Variants in TBX22 observed in about 807,000 individuals in gnomAD.
TBX22 encodes the protein T-box transcription factor 22, also known as T-box transcription factor TBX22.
Under a neutral mutation model 30.1 loss-of-function variants are expected in TBX22, and 8 were observed. That is an observed-to-expected ratio of 0.27 (90% confidence interval 0.16 to 0.48). The LOEUF is 0.48. Among genes scored for constraint, TBX22 ranks in the 20% least tolerant of loss-of-function variants. TBX22 has a pLI of 0.99. For synonymous variants in TBX22, 173 were observed against 149.1 expected (o/e 1.16, Z -1.17); for missense variants, 463 against 400.5 (o/e 1.16, Z -1.33).
chrX:80,030,311 T>G (rs1386107111), intron 8 of TBX22, among the ~76,000 whole-genome samples, 187 bp from the exon 9 acceptor site: 2 of 112,071 alleles, frequency 1.8e-5, no homozygotes, highest in Non-Finnish European at 3.8e-5. Context: ...ATACCTAGTA[T>G]AGATACTATA....
intron 1 of TBX22, among the ~76,000 whole-genome samples, chrX:80,019,763 A>G (rs1923597997): frequency 8.9e-6 from 1 of 111,869 alleles, no homozygotes; most frequent in Non-Finnish European, 1.9e-5. Context: ...TTAGTCTAGT[A>G]CATACAAGGG....
intron 4 of TBX22, 64 bp downstream of exon 4, chrX:80,024,228 C>G (rs1242261050): frequency 9.0e-6 from 9 of 1,000,853 alleles, no homozygotes; most frequent in Non-Finnish European, 1.3e-5. Flanking sequence ...GACCTTCAGA[C>G]CTGAAACCTG....
At chrX:80,027,374 G>A in intron 7 of TBX22, 54 bp downstream of exon 7, 1 of 424,891 alleles carries the variant, frequency 2.4e-6, no homozygotes, top group Non-Finnish European at 3.9e-6. Context: ...ATTTTCACAA[G>A]TTTTTTTTTT....
rs917472096 is a variant in TBX22, at chrX:80,022,375, C to A, written c.106C>A (p.Arg36=). The A allele has an allele frequency of 3.3e-6, 4 of 1,209,773 alleles. No individual in the cohort carries two copies. Among genetic ancestry groups the A allele is most frequent in the Non-Finnish European group, 4.5e-6 (4 of 894,503 alleles). ...AATACAGGCGGAGCAGCCTGAGCTG[C>A]GGGAGAAAAAGGGCGGAGAGGAAGA... ...DPIQAEQPEL[R]EKKGGEEEEE... Residue 36 remains arginine, a synonymous_variant, in exon 2 of 9, where the codon CGG becomes AGG. Transcript: ENST00000373296.
chrX:80,021,891 T>G (rs748795133), intron 1 of TBX22, among the ~76,000 whole-genome samples: 1 of 112,092 alleles, frequency 8.9e-6, no homozygotes, highest in East Asian at 2.8e-4. Flanking sequence ...GAATCAGGGA[T>G]TTGAGGACTA....
Position 80,030,918 on chromosome X carries a change from A to G in TBX22, c.1370A>G (p.Asn457Ser), listed in dbSNP as rs762269138. Residue 457 changes from asparagine (N) to serine (S), a missense_variant, in exon 9 of 9, where the codon AAC (asparagine) becomes AGC (serine). By Grantham distance (46) the Asn-to-Ser change is conservative. Coordinates refer to ENST00000373296, the MANE Select transcript of TBX22 (RefSeq NM_001109878.2). ...TCACCTGGAAATATTTTTCTGCCAA[A>G]CTCCATCACCCCAGAAGCACTTAGT... is the stretch of plus-strand genomic sequence containing the variant. ...LQSPGNIFLP[N>S]SITPEALSCS... is the part of the protein sequence containing the mutation. The G allele has an allele frequency of 8.3e-7, 1 of 1,210,864 alleles. No individual in the cohort carries two copies. The highest frequency in any genetic ancestry group is 3.0e-5 in the East Asian group (1 of 33,830).
intron 5 of TBX22, 105 bp from the exon 6 acceptor site, chrX:80,026,599 C>T (rs1289227795): frequency 3.5e-6 from 3 of 867,148 alleles, no homozygotes; most frequent in Non-Finnish European, 5.1e-6. Context: ...ACCTAAGCTT[C>T]ATCATTGCCT....
At position 80,025,715 on chromosome X, in the gene TBX22, C is replaced by T. The variant is rs993952750; in HGVS notation, c.571C>T (p.Arg191Trp). ...ACCCTGCTCGGGAGAGACCTGGATG[C>T]GGCAGATCATCAGCTTTGATCGCAT... ...DSPCSGETWM[R>W]QIISFDRMKL... Residue 191 changes from arginine to tryptophan, a missense_variant, in exon 5 of 9, where the codon CGG (arginine) becomes TGG (tryptophan). Physicochemically the swap from Arg to Trp is moderately radical, Grantham distance 101. Coordinates refer to ENST00000373296, the MANE Select transcript of TBX22 (RefSeq NM_001109878.2). 4 of 1,208,989 alleles carry T rather than the reference C, an allele frequency of 3.3e-6. No individual in the cohort carries two copies. Among genetic ancestry groups the T allele is most frequent in the East Asian group, 3.0e-5 (1 of 33,717 alleles).
intron 1 of TBX22, among the ~76,000 whole-genome samples, chrX:80,020,050 A>C (rs1405261925): frequency 1.8e-5 from 2 of 111,069 alleles, no homozygotes; most frequent in Non-Finnish European, 3.8e-5. Context: ...AATCTATTTA[A>C]AAAAAAAGAT....
chrX:80,029,232 G>A (rs1290082647), intron 8 of TBX22, among the ~76,000 whole-genome samples: 2 of 111,619 alleles, frequency 1.8e-5, no homozygotes, highest in South Asian at 3.7e-4. Context: ...TTTAGGATAC[G>A]TCTACATACA....
chrX:80,028,010 T>C lies in TBX22; in HGVS notation c.883T>C (p.Leu295=), dbSNP rs195293. 0.018 allele frequency: 21,433 copies of C among 1,208,588 alleles called. 2,343 individuals carry two copies. In the African/African-American group the frequency reaches 0.33, roughly 18 times the overall value. ...GRNRGVLDGL[L]ETYPWRPSFT... is the part of the protein sequence containing the mutation. Reference sequence around the variant, plus strand: ...TTTTAGGGGTGTATTGGATGGGCTTTTAGAGACCTACCCATGGAGGCCTTC... The same window carrying C: ...TTTTAGGGGTGTATTGGATGGGCTTCTAGAGACCTACCCATGGAGGCCTTC... Residue 295 remains leucine, a synonymous_variant, in exon 8 of 9, where the codon TTA becomes CTA. Transcript: ENST00000373296.
intron 1 of TBX22, among the ~76,000 whole-genome samples, chrX:80,022,007 A>C (rs1358754134): frequency 9.9e-6 from 1 of 100,841 alleles, no homozygotes; most frequent in Non-Finnish European, 2.0e-5. Context: ...AACAAAAAAT[A>C]TATATGTATA....
chrX:80,015,972 G>A (rs1923416125), intron 1 of TBX22, among the ~76,000 whole-genome samples: 1 of 111,870 alleles, frequency 8.9e-6, no homozygotes, highest in Non-Finnish European at 1.9e-5. Context: ...AAGGAAGACA[G>A]TGTATGAAAG....
At chrX:80,018,922 A>G (rs1206693575) in intron 1 of TBX22, among the ~76,000 whole-genome samples, 1 of 111,799 alleles carries the variant, frequency 8.9e-6, no homozygotes, top group Non-Finnish European at 1.9e-5. Flanking sequence ...CTTGAGCCTT[A>G]TTCCTATTTA....
At chrX:80,020,156 A>G (rs1351951885) in intron 1 of TBX22, among the ~76,000 whole-genome samples, 1 of 112,074 alleles carries the variant, frequency 8.9e-6, no homozygotes, top group Admixed American at 9.5e-5. Flanking sequence ...CTGTATTAGG[A>G]GATACTAACA....
chrX:80,027,383 T>G (rs1371305929), intron 7 of TBX22, 63 bp downstream of exon 7: 2 of 645,456 alleles, frequency 3.1e-6, no homozygotes, highest in Non-Finnish European at 4.9e-6. Flanking sequence ...AGTTTTTTTT[T>G]TTTTTTTTTT....
At chrX:80,022,699 T>TCTCAC in intron 2 of TBX22, 4 of 434,795 alleles carry the variant, frequency 9.2e-6, no homozygotes, top group Non-Finnish European at 1.6e-5. Context: ...CGCGGAAAGC[T>TCTCAC]CTCACCGCCA....
Position 80,024,184 on chromosome X carries a change from G to A in TBX22, c.458+20G>A. On this transcript the variant is annotated intron_variant, in intron 4 of 8. Transcript: ENST00000373296. ...CTATAGGTAATGGGCCCCATAGAAT[G>A]GTACTCTATGCCCAGGCTAGGGCCA... 1 of 1,174,769 alleles carries A rather than the reference G, an allele frequency of 8.5e-7. No homozygotes were observed. Among genetic ancestry groups the A allele is most frequent in the Non-Finnish European group, 1.2e-6 (1 of 862,261 alleles).
At chrX:80,019,575 A>G (rs1443611616) in intron 1 of TBX22, among the ~76,000 whole-genome samples, 1 of 111,696 alleles carries the variant, frequency 9.0e-6, no homozygotes, top group Non-Finnish European at 1.9e-5. Flanking sequence ...TGAAATATAG[A>G]GATGCCCCAA....
Sources: gnomAD v4.1 joint callset for allele counts (sites outside exome capture counted in the v4.1 genomes callset) on GRCh38, gnomAD v4.1.1 for gene constraint, MANE v1.5 for transcripts, NCBI Gene and HGNC (gene_info 2026-07-23, HGNC 2026-07-21) for gene names.